Variants in NR3C2 observed in about 807,000 individuals in gnomAD.
NR3C2 encodes nuclear receptor subfamily 3 group C member 2.
A neutral mutation model predicts 86.4 loss-of-function variants in NR3C2; 15 were observed. That is an observed-to-expected ratio of 0.17 (90% CI 0.12 to 0.27). The LOEUF (loss-of-function observed/expected upper bound fraction) is 0.27, where lower values mean the gene tolerates loss of function less well. NR3C2 is among the 10% of genes least tolerant of loss of function. NR3C2 has a pLI of 1.00. For missense variants in NR3C2, 960 were observed against 1,195.6 expected, an observed-to-expected ratio of 0.80 and a Z score of 2.91; for synonymous variants, 458 against 450.5, an observed-to-expected ratio of 1.02 and a Z score of -0.21.
chr4:148,365,904 T>C (rs1335728635), intron 2 of NR3C2, among the ~76,000 whole-genome samples: 2 of 152,102 alleles, frequency 1.3e-5, no homozygotes, highest in Admixed American at 6.6e-5. Context: ...TCTTGTCAAC[T>C]CTCCCAACAA....
At chr4:148,431,664 T>G (rs1749807117) in intron 2 of NR3C2, among the ~76,000 whole-genome samples, 1 of 152,218 alleles carries the variant, frequency 6.6e-6, no homozygotes, top group African/African-American at 2.4e-5. Context: ...GCCCACAGAC[T>G]GAAATAAAGA....
intron 8 of NR3C2, among the ~76,000 whole-genome samples, chr4:148,096,878 G>T (rs10032020): frequency 6.6e-6 from 1 of 151,976 alleles, no homozygotes; most frequent in East Asian, 1.9e-4. Context: ...ACTACGTGGC[G>T]CACTACAGAA....
intron 3 of NR3C2, among the ~76,000 whole-genome samples, chr4:148,253,095 A>C (rs1469291227): frequency 6.6e-6 from 1 of 152,224 alleles, no homozygotes; most frequent in Non-Finnish European, 1.5e-5. Context: ...AATTACTTCA[A>C]CATATTTTCC....
intron 8 of NR3C2, among the ~76,000 whole-genome samples, chr4:148,081,702 AAAAC>A (rs563446151): frequency 9.2e-5 from 14 of 152,316 alleles, no homozygotes; most frequent in South Asian, 2.1e-4. Flanking sequence ...CCTTTCATGG[AAAAC>A]AAACAAATTC....
Position 148,169,923 on chromosome 4 carries a change from A to G in NR3C2, c.2015-15022T>C, listed in dbSNP as rs76731159. On this transcript the variant is annotated intron_variant, in intron 4 of 8. Transcript: ENST00000358102. ...CTTTAGAATTGAGAACTATCAACCT[A>G]AAGGTTCTGAATGAGATTACAGAAA... Among the ~76,000 whole-genome samples the G allele has an allele frequency of 3.9e-5, 6 of 152,362 alleles. No individual in the cohort carries two copies. In the East Asian group the frequency reaches 1.2e-3, roughly 29 times the overall value.
At chr4:148,284,765 A>T (rs2149900537) in intron 2 of NR3C2, among the ~76,000 whole-genome samples, 1 of 152,286 alleles carries the variant, frequency 6.6e-6, no homozygotes, top group East Asian at 1.9e-4. Context: ...ATTCTACGCC[A>T]CTGTCCAAAT....
chr4:148,413,924 T>C (rs529222683), intron 2 of NR3C2, among the ~76,000 whole-genome samples: 1 of 152,326 alleles, frequency 6.6e-6, no homozygotes, highest in Admixed American at 6.5e-5. Flanking sequence ...TATACATTTC[T>C]TCATTACACA....
At chr4:148,132,885 A>G (rs1387139054) in intron 6 of NR3C2, among the ~76,000 whole-genome samples, 1 of 152,178 alleles carries the variant, frequency 6.6e-6, no homozygotes, top group Non-Finnish European at 1.5e-5. Flanking sequence ...TGCTACACCC[A>G]TAGAAAGAAT....
intron 6 of NR3C2, among the ~76,000 whole-genome samples, chr4:148,137,800 A>G (rs1733415065): frequency 6.6e-6 from 1 of 152,110 alleles, no homozygotes; most frequent in African/African-American, 2.4e-5. Context: ...CCCCCAAAAC[A>G]ACCCATCACA....
intron 3 of NR3C2, among the ~76,000 whole-genome samples, chr4:148,213,089 G>T (rs1247411226): frequency 2.0e-5 from 3 of 151,088 alleles, no homozygotes; most frequent in African/African-American, 4.9e-5. Context: ...CCTTAAAGGA[G>T]AAATGCAATT....
chr4:148,342,829 C>T (rs1429524060), intron 2 of NR3C2, among the ~76,000 whole-genome samples: 2 of 152,058 alleles, frequency 1.3e-5, no homozygotes, highest in Non-Finnish European at 2.9e-5. Flanking sequence ...GTCGTTTTGT[C>T]TGTATTTTTA....
chr4:148,387,238 A>G (rs959894496), intron 2 of NR3C2, among the ~76,000 whole-genome samples: 2 of 152,206 alleles, frequency 1.3e-5, no homozygotes, highest in African/African-American at 2.4e-5. Flanking sequence ...CTGGAGGTGC[A>G]GCAGCCAGTT....
At chr4:148,439,084 A>G (rs1266345993) in intron 1 of NR3C2, among the ~76,000 whole-genome samples, 1 of 152,224 alleles carries the variant, frequency 6.6e-6, no homozygotes, top group East Asian at 1.9e-4. Context: ...GTGTGGATGA[A>G]AGCCAAGTAA....
intron 2 of NR3C2, among the ~76,000 whole-genome samples, chr4:148,419,973 T>C (rs1352655417): frequency 6.6e-6 from 1 of 152,210 alleles, no homozygotes; most frequent in East Asian, 1.9e-4. Context: ...CAGTTTTTGT[T>C]TGGCCAGACC....
intron 4 of NR3C2, among the ~76,000 whole-genome samples, chr4:148,173,609 C>T (rs896754560): frequency 6.6e-6 from 1 of 152,236 alleles, no homozygotes; most frequent in Admixed American, 6.5e-5. Flanking sequence ...TCATTTTGGA[C>T]TTCTGACCTG....
intron 8 of NR3C2, among the ~76,000 whole-genome samples, chr4:148,086,290 C>T (rs551537443): frequency 3.0e-4 from 45 of 152,312 alleles, no homozygotes; most frequent in African/African-American, 8.9e-4. Context: ...ACGATCAAGT[C>T]GGCTTCATCC....
intron 8 of NR3C2, among the ~76,000 whole-genome samples, chr4:148,094,009 A>T (rs953458927): frequency 6.6e-6 from 1 of 152,172 alleles, no homozygotes; most frequent in Non-Finnish European, 1.5e-5. Context: ...CAAACTGAAT[A>T]AAAAAATTGA....
At chr4:148,278,420 T>C (rs1310855920) in intron 2 of NR3C2, among the ~76,000 whole-genome samples, 6 of 152,138 alleles carry the variant, frequency 3.9e-5, no homozygotes, top group Admixed American at 3.9e-4. Context: ...TTTTGAAATA[T>C]AACCTATTTG....
intron 3 of NR3C2, among the ~76,000 whole-genome samples, chr4:148,246,350 T>C (rs1739311866): frequency 6.6e-6 from 1 of 152,156 alleles, no homozygotes; most frequent in Admixed American, 6.5e-5. Flanking sequence ...GGTGAAAATG[T>C]TTGCTAATTT....
Sources: allele counts gnomAD v4.1 joint callset (sites outside exome capture counted in the v4.1 genomes callset), GRCh38; gene constraint gnomAD v4.1.1; transcripts MANE v1.5; gene names NCBI Gene and HGNC (gene_info 2026-07-23, HGNC 2026-07-21).